DAB2IP: variants seen among roughly 807,000 people sequenced by gnomAD.
The protein encoded by DAB2IP is DAB2 interacting protein.
Under a neutral mutation model 107.2 loss-of-function variants are expected in DAB2IP, and 28 were observed. That is an observed-to-expected ratio of 0.26 (90% CI 0.19 to 0.36). The LOEUF (loss-of-function observed/expected upper bound fraction) is 0.36, where lower values mean the gene tolerates loss of function less well. Among genes scored for constraint, DAB2IP ranks in the 10% least tolerant of loss-of-function variants. DAB2IP has a pLI of 1.00. For missense variants in DAB2IP, 1,400 were observed against 1,644.7 expected, an observed-to-expected ratio of 0.85 and a Z score of 2.57; for synonymous variants, 755 against 706.4, an observed-to-expected ratio of 1.07 and a Z score of -1.09.
chr9:121,740,402 C>T (rs183423531), intron 3 of DAB2IP, among the ~76,000 whole-genome samples: 1 of 152,202 alleles, frequency 6.6e-6, no homozygotes. Context: ...TTTCCTTACA[C>T]CAGTCTCTCT....
chr9:121,602,644 C>T (rs922041845), intron 1 of DAB2IP, among the ~76,000 whole-genome samples: 4 of 152,134 alleles, frequency 2.6e-5, no homozygotes, highest in Non-Finnish European at 4.4e-5. Context: ...GGCGTGATCT[C>T]GGCTCACTGC....
intron 3 of DAB2IP, among the ~76,000 whole-genome samples, chr9:121,715,788 T>C (rs1830571980): frequency 6.6e-6 from 1 of 152,218 alleles, no homozygotes; most frequent in African/African-American, 2.4e-5. Context: ...CCAGCTGGAC[T>C]GTCATCAGGT....
chr9:121,694,657 C>T (rs564401806), intron 2 of DAB2IP, among the ~76,000 whole-genome samples: 1 of 152,156 alleles, frequency 6.6e-6, no homozygotes, highest in Admixed American at 6.5e-5. Context: ...CAAAGACCCC[C>T]CAGGCCTCTG....
chr9:121,697,436 T>C (rs1251724030), intron 2 of DAB2IP, among the ~76,000 whole-genome samples: 1 of 152,154 alleles, frequency 6.6e-6, no homozygotes, highest in Non-Finnish European at 1.5e-5. Flanking sequence ...CCCTCTCCTA[T>C]AGCTGGCAAG....
At chr9:121,669,390 A>G (rs1833583473) in intron 1 of DAB2IP, among the ~76,000 whole-genome samples, 1 of 152,160 alleles carries the variant, frequency 6.6e-6, no homozygotes, top group Non-Finnish European at 1.5e-5. Context: ...AGACCCACCA[A>G]GAGTACACCT....
chr9:121,768,993 T>TGTCCAGCAGGAAGTCGAAAACCTTTCTAG lies in DAB2IP; in HGVS notation c.1899+362_1899+390dup, dbSNP rs1834502253. On this transcript the variant is annotated intron_variant, in intron 10 of 15. Coordinates refer to ENST00000408936, the Ensembl canonical transcript of DAB2IP. ...TGACTCAAGACCCTGTACCTCCACT[T>TGTCCAGCAGGAAGTCGAAAACCTTTCTAG]GTCCAGCAGGAAGTCGAAAACCTTT... 2.6e-5 allele frequency among the ~76,000 whole-genome samples: 4 copies of TGTCCAGCAGGAAGTCGAAAACCTTTCTAG among 152,324 alleles called. No homozygotes were observed. The South Asian group carries it at 6.2e-4, about 24-fold the overall frequency.
intron 2 of DAB2IP, among the ~76,000 whole-genome samples, chr9:121,679,647 G>A (rs140914960): frequency 1.3e-5 from 2 of 152,142 alleles, no homozygotes; most frequent in East Asian, 3.9e-4. Context: ...ATTCTGGCAT[G>A]CCTGCTGTGT....
At chr9:121,683,409 A>T (rs1207683139) in intron 2 of DAB2IP, among the ~76,000 whole-genome samples, 1 of 151,830 alleles carries the variant, frequency 6.6e-6, no homozygotes, top group East Asian at 1.9e-4. Flanking sequence ...CCCTCCCATC[A>T]ACCTTGAGGA....
At chr9:121,618,950 A>G (rs1372335144) in intron 1 of DAB2IP, among the ~76,000 whole-genome samples, 1 of 152,130 alleles carries the variant, frequency 6.6e-6, no homozygotes, top group Non-Finnish European at 1.5e-5. Flanking sequence ...ATTGGATTGA[A>G]CCTAAATGAT....
At chr9:121,652,889 T>C (rs1436737136) in intron 1 of DAB2IP, among the ~76,000 whole-genome samples, 1 of 152,098 alleles carries the variant, frequency 6.6e-6, no homozygotes, top group South Asian at 2.1e-4. Flanking sequence ...AGGCAGGTAG[T>C]GTTCGGTTGC....
chr9:121,667,159 C>T (rs143575329), intron 1 of DAB2IP, among the ~76,000 whole-genome samples: 2,456 of 152,180 alleles, frequency 0.016, 58 homozygotes, highest in African/African-American at 0.053. Context: ...TACAGGTGTG[C>T]ACCACCACGC....
At chr9:121,770,831 A>G (rs1834666440) in intron 11 of DAB2IP, 107 bp downstream of exon 11, 1 of 1,432,606 alleles carries the variant, frequency 7.0e-7, no homozygotes, top group Non-Finnish European at 9.4e-7. Flanking sequence ...GTGTTTATAA[A>G]ACAAGCCTGG....
intron 3 of DAB2IP, among the ~76,000 whole-genome samples, chr9:121,718,450 C>G (rs746815698): frequency 6.6e-6 from 1 of 152,162 alleles, no homozygotes; most frequent in Non-Finnish European, 1.5e-5. Context: ...CAACAAAACC[C>G]GACTTCGAGG....
upstream of DAB2IP, among the ~76,000 whole-genome samples, chr9:121,647,798 T>C (rs1475405377): frequency 1.3e-5 from 2 of 150,156 alleles, no homozygotes; most frequent in Non-Finnish European, 3.0e-5. Flanking sequence ...TATACGTATA[T>C]ATACCCATAT....
At position 121,757,610 on chromosome 9, in the gene DAB2IP, T is replaced by C. The variant is rs141513235; in HGVS notation, c.516+444T>C. On this transcript the variant is annotated intron_variant, in intron 4 of 15. Coordinates refer to ENST00000408936, the Ensembl canonical transcript of DAB2IP. ...TGTCCTGCCCTGGCATTCTGCGACC[T>C]GAGGTTTGAATGCAGAGAGCCAGTG... 2.3e-3 allele frequency among the ~76,000 whole-genome samples: 353 copies of C among 151,796 alleles called. 2 individuals are homozygous for C. Among genetic ancestry groups the C allele is most frequent in the Non-Finnish European group, 3.6e-3 (245 of 68,026 alleles).
In DAB2IP at chr9:121,643,312, C is replaced by T. The variant is rs940615583; in HGVS notation, c.41-35366C>T. On this transcript the variant is annotated intron_variant, in intron 1 of 16. Coordinates refer to the DAB2IP transcript ENST00000259371. ...TGCAGAGGGAGGATCAGAGAGGCACCGTGACTTATTCAAGGTTGCACAGCC... is the reference window on the plus strand; with the variant it reads ...TGCAGAGGGAGGATCAGAGAGGCACTGTGACTTATTCAAGGTTGCACAGCC... Among the ~76,000 whole-genome samples the T allele has an allele frequency of 2.0e-5, 3 of 151,938 alleles. No homozygotes were observed. The East Asian group carries it at 5.8e-4, about 29-fold the overall frequency.
chr9:121,632,562 T>C (rs1365333676), intron 1 of DAB2IP, among the ~76,000 whole-genome samples: 1 of 152,080 alleles, frequency 6.6e-6, no homozygotes, highest in East Asian at 1.9e-4. Flanking sequence ...TCTGCCCAGC[T>C]TTCCCTTAGC....
Position 121,599,238 on chromosome 9 carries a change from G to A in DAB2IP, c.40+32010G>A, listed in dbSNP as rs1270742603. ...TCATAGCGCCGAAACGGAAGCAGAGGTTATCTCTGGACTCCTGGAGGCCTG... is the reference window on the plus strand; with the variant it reads ...TCATAGCGCCGAAACGGAAGCAGAGATTATCTCTGGACTCCTGGAGGCCTG... On this transcript the variant is annotated intron_variant, in intron 1 of 16. Coordinates refer to the DAB2IP transcript ENST00000259371. This position sits in a 1 kb window ranked among gnomAD's most constrained non-coding sequence, Gnocchi z 6.9. Among the ~76,000 whole-genome samples the A allele has an allele frequency of 6.6e-6, 1 of 152,192 alleles. No homozygotes were observed. Among genetic ancestry groups the A allele is most frequent in the Admixed American group, 6.5e-5 (1 of 15,282 alleles).
chr9:121,759,049 T>C, intron 5 of DAB2IP, 53 bp downstream of exon 5: 1 of 1,543,446 alleles, frequency 6.5e-7, no homozygotes. Flanking sequence ...TAGGCTCAGA[T>C]AGGAGGAAAC....
Sources: gnomAD v4.1 joint callset for allele counts (sites outside exome capture counted in the v4.1 genomes callset) on GRCh38, gnomAD v4.1.1 for gene constraint, Gnocchi (gnomAD v3.1) non-coding constraint, MANE v1.5 for transcripts, NCBI Gene and HGNC (gene_info 2026-07-23, HGNC 2026-07-21) for gene names.